ROR1: variants seen among roughly 807,000 people sequenced by gnomAD.
The protein encoded by ROR1 is ROR family WNT receptor 1.
In ROR1, 19 loss-of-function variants were observed where a neutral mutation model predicts 78.8. The ratio of observed to expected loss-of-function variants is 0.24; its 90% CI spans 0.17 to 0.35. The LOEUF is 0.35. Among genes scored for constraint, ROR1 ranks in the 10% least tolerant of loss-of-function variants. The pLI is 1.00. For synonymous variants in ROR1, 386 were observed against 433.6 expected, an observed-to-expected ratio of 0.89 and a Z score of 1.36; for missense variants, 917 against 1,177.8, an observed-to-expected ratio of 0.78 and a Z score of 3.24.
intron 1 of ROR1, among the ~76,000 whole-genome samples, chr1:63,955,424 A>G (rs149258362): frequency 0.014 from 2,180 of 152,212 alleles, 59 homozygotes; most frequent in African/African-American, 0.05. Flanking sequence ...GGAGAGAATT[A>G]TTTCAAAGGG....
intron 1 of ROR1, among the ~76,000 whole-genome samples, chr1:63,827,795 A>G (rs1644964780): frequency 6.6e-6 from 1 of 152,178 alleles, no homozygotes; most frequent in Non-Finnish European, 1.5e-5. Context: ...CTGGTTTCCA[A>G]TTGCTTGTGT....
chr1:64,095,437 A>G (rs1647273468), intron 4 of ROR1, among the ~76,000 whole-genome samples: 2 of 152,298 alleles, frequency 1.3e-5, no homozygotes, highest in Non-Finnish European at 2.9e-5. Context: ...AAAGTAATGA[A>G]TTATAGTTAC....
intron 4 of ROR1, among the ~76,000 whole-genome samples, chr1:64,118,414 G>T (rs1334234167): frequency 6.6e-6 from 1 of 151,710 alleles, no homozygotes; most frequent in Non-Finnish European, 1.5e-5. Context: ...AGATCATGAG[G>T]TCAGGAGTTC....
chr1:63,886,913 T>C (rs1297781698), intron 1 of ROR1, among the ~76,000 whole-genome samples: 2 of 152,166 alleles, frequency 1.3e-5, no homozygotes, highest in African/African-American at 4.8e-5. Flanking sequence ...TTTTGAATTA[T>C]TGCAGTTACC....
At chr1:64,176,898 C>G (rs1650396942) in intron 8 of ROR1, among the ~76,000 whole-genome samples, 1 of 152,180 alleles carries the variant, frequency 6.6e-6, no homozygotes, top group Admixed American at 6.5e-5. Context: ...CAGGAGTGGA[C>G]ATTGAGAAAA....
At chr1:64,074,188 A>C (rs1184991781) in intron 4 of ROR1, among the ~76,000 whole-genome samples, 1 of 152,164 alleles carries the variant, frequency 6.6e-6, no homozygotes. Context: ...CAGGGTGGCC[A>C]CATGACCAAG....
intron 8 of ROR1, among the ~76,000 whole-genome samples, chr1:64,171,626 T>G (rs1650244620): frequency 6.6e-6 from 1 of 152,164 alleles, no homozygotes; most frequent in Non-Finnish European, 1.5e-5. Flanking sequence ...TAACTGGCCT[T>G]GAGTGAAAGG....
Position 63,862,309 on chromosome 1 carries a change from G to C in ROR1, c.91+87801G>C, listed in dbSNP as rs370837661. 1.8e-4 allele frequency among the ~76,000 whole-genome samples: 26 copies of C among 143,046 alleles called. No homozygotes were observed. The East Asian group carries it at 3.1e-3, about 17-fold the overall frequency. The allele number at this position is 143,046 out of a possible 152,430, so 93.8% of individuals were successfully genotyped here. Reference sequence around the variant, plus strand: ...CTTGGGAGGCTGAGACAGGAGAATCGCTTGAACCCAGGAGGCAGAGGTTGC... The same window carrying C: ...CTTGGGAGGCTGAGACAGGAGAATCCCTTGAACCCAGGAGGCAGAGGTTGC... On this transcript the variant is annotated intron_variant, in intron 1 of 8. Coordinates refer to ENST00000371079, the MANE Select transcript of ROR1 (RefSeq NM_005012.4).
intron 4 of ROR1, among the ~76,000 whole-genome samples, chr1:64,118,632 CAAAAAAAAAAAAAAAA>C (rs3084938): frequency 3.0e-5 from 2 of 65,846 alleles, no homozygotes; most frequent in Admixed American, 2.0e-4. Context: ...GACTCCATCT[CAAAAAAAAAAAAAAAA>C]AAAAAAAAAA....
At chr1:64,096,584 G>A (rs193039022) in intron 4 of ROR1, among the ~76,000 whole-genome samples, 22 of 152,134 alleles carry the variant, frequency 1.4e-4, no homozygotes, top group Non-Finnish European at 2.4e-4. Context: ...CTTTTTTATG[G>A]CTGCATTGTA....
intron 2 of ROR1, among the ~76,000 whole-genome samples, chr1:64,028,668 A>G (rs527889488): frequency 2.6e-5 from 4 of 152,204 alleles, no homozygotes; most frequent in Non-Finnish European, 5.9e-5. Context: ...TTTTAGATAC[A>G]TAGTAGGTGT....
intron 1 of ROR1, among the ~76,000 whole-genome samples, chr1:63,834,663 A>C (rs1214956839): frequency 6.6e-6 from 1 of 152,176 alleles, no homozygotes; most frequent in East Asian, 1.9e-4. Context: ...CCTCTGAGAC[A>C]AAGTATTCAG....
At chr1:64,072,785 G>C (rs1647018361) in intron 4 of ROR1, among the ~76,000 whole-genome samples, 1 of 152,094 alleles carries the variant, frequency 6.6e-6, no homozygotes, top group Non-Finnish European at 1.5e-5. Flanking sequence ...CTAGCTCCAT[G>C]GCATGTCTGA....
chr1:64,010,812 C>T (rs2100544791), intron 2 of ROR1, among the ~76,000 whole-genome samples: 1 of 152,218 alleles, frequency 6.6e-6, no homozygotes, highest in South Asian at 2.1e-4. Flanking sequence ...TAAGGGGCTT[C>T]CTCCTTCGCT....
intron 1 of ROR1, among the ~76,000 whole-genome samples, chr1:63,834,121 C>T (rs919975368): frequency 6.7e-6 from 1 of 149,824 alleles, no homozygotes; most frequent in South Asian, 2.1e-4. Context: ...CTGTTAAGCT[C>T]TTGTAGTAAG....
At chr1:63,905,469 A>G (rs181544576) in intron 1 of ROR1, among the ~76,000 whole-genome samples, 1 of 152,320 alleles carries the variant, frequency 6.6e-6, no homozygotes, top group Admixed American at 6.5e-5. Flanking sequence ...GTTCCTCTGT[A>G]TGTGAAGAAA....
chr1:63,882,253 C>G (rs1276908989), intron 1 of ROR1, among the ~76,000 whole-genome samples: 2 of 151,978 alleles, frequency 1.3e-5, no homozygotes, highest in Non-Finnish European at 2.9e-5. Context: ...TTGCCAAGAC[C>G]AGATCTCACT....
intron 1 of ROR1, among the ~76,000 whole-genome samples, chr1:63,829,691 G>A (rs1644974642): frequency 6.6e-6 from 1 of 152,196 alleles, no homozygotes; most frequent in Admixed American, 6.5e-5. Flanking sequence ...TAAGTGGATA[G>A]GGATGTGGCT....
At chr1:64,046,122 A>G (rs996110355) in intron 2 of ROR1, among the ~76,000 whole-genome samples, 1 of 152,086 alleles carries the variant, frequency 6.6e-6, no homozygotes, top group African/African-American at 2.4e-5. Flanking sequence ...TAGAAACACA[A>G]ACTGTCTCAG....
Sources: gnomAD v4.1 joint callset for allele counts (sites outside exome capture counted in the v4.1 genomes callset) on GRCh38, gnomAD v4.1.1 for gene constraint, MANE v1.5 for transcripts, NCBI Gene and HGNC (gene_info 2026-07-23, HGNC 2026-07-21) for gene names.